Variants in TATDN2 observed in about 807,000 individuals in gnomAD.
TATDN2 encodes 3'-5' RNA nuclease TATDN2.
Under a neutral mutation model 60.3 loss-of-function variants are expected in TATDN2, and 44 were observed. That is an observed-to-expected ratio of 0.73 (90% CI 0.57 to 0.94). The LOEUF (loss-of-function observed/expected upper bound fraction) is 0.94. TATDN2 is among the 40% of genes least tolerant of loss of function. The probability of loss-of-function intolerance (pLI) is 0.00; values close to 1 mark genes in which losing one functional copy is unlikely to be tolerated. For synonymous variants in TATDN2, 399 were observed against 355.8 expected (o/e 1.12, Z -1.37); for missense variants, 997 against 948.0 (o/e 1.05, Z -0.68).
At chr3:10,261,828 G>A (rs1698409334) in intron 3 of TATDN2, among the ~76,000 whole-genome samples, 3 of 152,156 alleles carry the variant, frequency 2.0e-5, no homozygotes, top group Non-Finnish European at 2.9e-5. Context: ...CTTCTTGCTT[G>A]GGCGATGAGA....
At chr3:10,257,065 C>T (rs376288335) in intron 2 of TATDN2, among the ~76,000 whole-genome samples, 19 of 150,084 alleles carry the variant, frequency 1.3e-4, no homozygotes, top group South Asian at 8.5e-4. Flanking sequence ...GAGGCCAAGG[C>T]GGGCAGATCA....
At position 10,252,045 on chromosome 3, in the gene TATDN2, G is replaced by T. The variant is rs563200150; in HGVS notation, c.414+2431G>T. ...TGCCTGTAGTCCCAGCCACTTGGGA[G>T]GCTGAGGCAGGAGAATGGCATGAAC... is the stretch of plus-strand genomic sequence containing the variant. On this transcript the variant is annotated intron_variant, in intron 2 of 7. Transcript: ENST00000448281. Among the ~76,000 whole-genome samples the T allele has an allele frequency of 1.3e-3, 193 of 151,384 alleles. 1 individual carries two copies. Among genetic ancestry groups the T allele is most frequent in the African/African-American group, 4.6e-3 (189 of 41,240 alleles).
intron 3 of TATDN2, among the ~76,000 whole-genome samples, chr3:10,264,143 A>C (rs2125176423): frequency 6.6e-6 from 1 of 152,246 alleles, no homozygotes; most frequent in African/African-American, 2.4e-5. Flanking sequence ...GAGTATGAGG[A>C]GGGAATCTGG....
chr3:10,264,831 A>C (rs1642973), intron 3 of TATDN2, among the ~76,000 whole-genome samples: 2 of 151,856 alleles, frequency 1.3e-5, no homozygotes, highest in African/African-American at 4.8e-5. Flanking sequence ...GGCGCATGCC[A>C]CCATGCCTGT....
In TATDN2 at chr3:10,280,540, T is replaced by G. The variant is rs1294888516; in HGVS notation, c.*1358T>G. 4 of 153,758 alleles carry G rather than the reference T, an allele frequency of 2.6e-5. No individual in the cohort carries two copies. Among genetic ancestry groups the G allele is most frequent in the African/African-American group, 9.7e-5 (4 of 41,448 alleles). 9.5% of individuals were successfully genotyped at this position (153,758 alleles called of 1,614,324 possible). Reference sequence around the variant, plus strand: ...TCCCTCGTCTGTGGTCTTGGAGGCTTAAATTGTAAAATACATCCCTTATGG... The same window carrying G: ...TCCCTCGTCTGTGGTCTTGGAGGCTGAAATTGTAAAATACATCCCTTATGG... On this transcript the variant is annotated 3_prime_UTR_variant, in exon 8 of 8. Coordinates refer to ENST00000448281, the MANE Select transcript of TATDN2 (RefSeq NM_014760.4).
At chr3:10,260,750 G>C (rs1398131213) in intron 3 of TATDN2, 80 bp downstream of exon 3, 19 of 1,485,880 alleles carry the variant, frequency 1.3e-5, no homozygotes, top group South Asian at 4.1e-5. Context: ...TTGATCCTAA[G>C]TGTTACTAAT....
rs1038210919 is a variant in TATDN2 at position 10,278,580 on chromosome 3, C to T, written c.2145+118C>T. ...AGTGACTTCCAGGTCCCATCCTGGG[C>T]TGTGTAGATGCCTCCTTGCTGTTAC... On this transcript the variant is annotated intron_variant, in intron 6 of 7. Transcript: ENST00000448281. The surrounding 1 kb of genome is among the most constrained non-coding windows in gnomAD (Gnocchi z 4.7). The T allele has an allele frequency of 1.5e-6, 2 of 1,355,314 alleles. No homozygotes were observed. The highest frequency in any genetic ancestry group is 2.3e-5 in the East Asian group (1 of 43,638). The allele number at this position is 1,355,314 out of a possible 1,614,324, so 84.0% of individuals were successfully genotyped here. A position where few individuals can be genotyped will look rare whatever the true frequency, so the allele number is the denominator to read the frequency against.
At chr3:10,277,264 T>G (rs1379238287) in intron 5 of TATDN2, among the ~76,000 whole-genome samples, 1 of 152,222 alleles carries the variant, frequency 6.6e-6, no homozygotes, top group African/African-American at 2.4e-5. Context: ...GTGCTTAAGT[T>G]CAGTTTGGTA....
At chr3:10,275,765 AAAC>A (rs201035178) in intron 4 of TATDN2, among the ~76,000 whole-genome samples, 35 of 552 alleles carry the variant, frequency 0.063, no homozygotes, top group African/African-American at 0.16. Context: ...AAACAAAACA[AAAC>A]AAAAAAAAAC....
At chr3:10,257,472 T>G (rs1242443350) in intron 2 of TATDN2, among the ~76,000 whole-genome samples, 1 of 147,550 alleles carries the variant, frequency 6.8e-6, no homozygotes, top group Non-Finnish European at 1.5e-5. Context: ...CTACTAAAAA[T>G]ACAAAAATTA....
At chr3:10,273,610 AG>A (rs1436365724) in intron 4 of TATDN2, among the ~76,000 whole-genome samples, 1 of 144,528 alleles carries the variant, frequency 6.9e-6, no homozygotes, top group Non-Finnish European at 1.5e-5. Context: ...AAAAAAAAAA[AG>A]AGCCTGTGGA....
Position 10,270,145 on chromosome 3 carries a change from G to A in TATDN2, c.963G>A (p.Glu321=). 1.2e-6 allele frequency: 2 copies of A among 1,612,438 alleles called. No homozygotes were observed. Among genetic ancestry groups the A allele is most frequent in the Non-Finnish European group, 1.7e-6 (2 of 1,179,218 alleles). Reference sequence around the variant, plus strand: ...CTTTTCTGCAGCATAAAGATAGGGAGGTGGTGATGGAGCACCCCTCTTCTG... The same window carrying A: ...CTTTTCTGCAGCATAAAGATAGGGAAGTGGTGATGGAGCACCCCTCTTCTG... The part of the protein sequence containing the change: ...HLEIQKHKDR[E]VVMEHPSSGS... The change falls in exon 4 of 8, where the codon GAG becomes GAA. Residue 321 remains glutamate (E), a synonymous_variant. Coordinates refer to ENST00000448281, the MANE Select transcript of TATDN2 (RefSeq NM_014760.4).
At chr3:10,271,213 A>C (rs1165939253) in intron 4 of TATDN2, among the ~76,000 whole-genome samples, 198 bp downstream of exon 4, 2 of 152,194 alleles carry the variant, frequency 1.3e-5, no homozygotes, top group African/African-American at 2.4e-5. Context: ...CAGCTTTATT[A>C]TGGAAGATGA....
chr3:10,260,502 GGAT>G lies in TATDN2; in HGVS notation c.781_783del (p.Asp261del), dbSNP rs1241501744. 1 of 1,613,980 alleles carries G rather than the reference GGAT, an allele frequency of 6.2e-7. No homozygotes were observed. Among genetic ancestry groups the G allele is most frequent in the African/African-American group, 1.3e-5 (1 of 74,924 alleles). ...CAACCCCAGAGGTCAGCATGGAGGA[GGAT>G]AAGACAGTGCCAGAGAGGAGCAGCT... is the stretch of plus-strand genomic sequence containing the variant. On this transcript the variant is annotated inframe_deletion, in exon 3 of 8. Coordinates refer to ENST00000448281, the MANE Select transcript of TATDN2 (RefSeq NM_014760.4).
At chr3:10,261,365 CTTTTTT>C in intron 3 of TATDN2, among the ~76,000 whole-genome samples, 1 of 134,038 alleles carries the variant, frequency 7.5e-6, no homozygotes, top group African/African-American at 2.8e-5. Flanking sequence ...CCATCTTTTT[CTTTTTT>C]TTTTTTTTTT....
chr3:10,267,914 C>T (rs1449625273), intron 3 of TATDN2, among the ~76,000 whole-genome samples: 2 of 152,108 alleles, frequency 1.3e-5, no homozygotes, highest in South Asian at 2.1e-4. Flanking sequence ...AAACAGAACA[C>T]AAAAGCCTTG....
chr3:10,271,711 T>C (rs1335889778), intron 4 of TATDN2, among the ~76,000 whole-genome samples: 1 of 152,154 alleles, frequency 6.6e-6, no homozygotes, highest in Non-Finnish European at 1.5e-5. Context: ...TGTTAATATT[T>C]TTTTCTTTTT....
chr3:10,252,357 G>A (rs1018567907), intron 2 of TATDN2, among the ~76,000 whole-genome samples: 2 of 151,970 alleles, frequency 1.3e-5, no homozygotes, highest in Non-Finnish European at 2.9e-5. Flanking sequence ...AAAGGAAATT[G>A]CATTGTAGAA....
At chr3:10,261,686 C>T (rs948361181) in intron 3 of TATDN2, among the ~76,000 whole-genome samples, 2 of 152,190 alleles carry the variant, frequency 1.3e-5, no homozygotes, top group African/African-American at 2.4e-5. Flanking sequence ...CCATCTTACT[C>T]GTCTCCACCC....
Sources: allele counts gnomAD v4.1 joint callset (sites outside exome capture counted in the v4.1 genomes callset), GRCh38; gene constraint gnomAD v4.1.1; non-coding constraint Gnocchi (gnomAD v3.1); transcripts MANE v1.5; gene names NCBI Gene and HGNC (gene_info 2026-07-23, HGNC 2026-07-21).